Variants in B4GALT6 observed in about 807,000 individuals in gnomAD.
B4GALT6 encodes the protein beta-1,4-galactosyltransferase 6.
In B4GALT6, 14 loss-of-function variants were observed where a neutral mutation model predicts 46.3. The observed-to-expected ratio is 0.30, with a 90% CI of 0.20 to 0.47. The LOEUF is 0.47. Ranked by LOEUF, B4GALT6 falls within the 20% of genes least tolerant of loss-of-function variation. B4GALT6 has a pLI of 0.99. For missense variants in B4GALT6, 386 were observed against 480.1 expected, an observed-to-expected ratio of 0.80 and a Z score of 1.83; for synonymous variants, 168 against 162.0, an observed-to-expected ratio of 1.04 and a Z score of -0.28.
chr18:31,700,458 T>TGTGTGTGTGA, the B4GALT6 span, among the ~76,000 whole-genome samples: 4 of 145,686 alleles, frequency 2.7e-5, no homozygotes, highest in South Asian at 4.3e-4. Context: ...TGTGTGTGTG[T>TGTGTGTGTGA]GTGTGTGTGT....
upstream of B4GALT6, chr18:31,686,060 G>A (rs2029910047): frequency 6.6e-6 from 1 of 152,388 alleles, no homozygotes; most frequent in Non-Finnish European, 1.5e-5. Context: ...CACCTCCTAG[G>A]CCGTGGTCTA....
At chr18:31,667,225 C>G (rs1034117297) in intron 1 of B4GALT6, among the ~76,000 whole-genome samples, 1 of 152,102 alleles carries the variant, frequency 6.6e-6, no homozygotes, top group African/African-American at 2.4e-5. Flanking sequence ...TCAGTTTCCT[C>G]GTTTTCACAA....
chr18:31,698,783 A>T, the B4GALT6 span, among the ~76,000 whole-genome samples: 1 of 151,952 alleles, frequency 6.6e-6, no homozygotes, highest in Admixed American at 6.6e-5. Context: ...AAAAAGAAAA[A>T]GTAAGGCCGG....
intron 6 of B4GALT6, among the ~76,000 whole-genome samples, chr18:31,630,089 A>C: frequency 6.1e-5 from 1 of 16,280 alleles, no homozygotes; most frequent in Admixed American, 8.7e-4. Flanking sequence ...GGAAGCGGGG[A>C]GGGGGAAGGA....
chr18:31,655,333 G>A (rs892056997), intron 3 of B4GALT6, among the ~76,000 whole-genome samples: 3 of 152,220 alleles, frequency 2.0e-5, no homozygotes, highest in African/African-American at 7.2e-5. Context: ...AATTGGGACA[G>A]GACCCAAAGT....
rs1479406510 is a variant in B4GALT6 at position 31,684,334 on chromosome 18, G to A, written c.93C>T (p.Phe31=). 3.1e-6 allele frequency: 5 copies of A among 1,613,634 alleles called. No individual in the cohort carries two copies. The Admixed American group carries it at 6.7e-5, about 22-fold the overall frequency. ...TACCGATGCCTGGGGCCACATAGAT[G>A]AAGTACAGACAGGACGAAGAGAGGG... ...FFSLSSSCLY[F]IYVAPGIANT... Residue 31 remains phenylalanine, a synonymous_variant, in exon 1 of 9, where the codon TTC becomes TTT. Coordinates refer to ENST00000306851, the MANE Select transcript of B4GALT6 (RefSeq NM_004775.5).
chr18:31,713,702 T>C, the B4GALT6 span, among the ~76,000 whole-genome samples: 17 of 152,330 alleles, frequency 1.1e-4, no homozygotes, highest in South Asian at 3.3e-3. Context: ...GTTAGGAGTT[T>C]AATCTTTTTC....
chr18:31,644,527 T>C (rs1567965760), intron 4 of B4GALT6, among the ~76,000 whole-genome samples: 1 of 152,202 alleles, frequency 6.6e-6, no homozygotes, highest in Admixed American at 6.5e-5. Flanking sequence ...AGATCAAGGT[T>C]ATATCACAAT....
At chr18:31,702,830 G>A in the B4GALT6 span, among the ~76,000 whole-genome samples, 1 of 152,192 alleles carries the variant, frequency 6.6e-6, no homozygotes, top group Non-Finnish European at 1.5e-5. Context: ...ATGTATCCAA[G>A]GGGAGCTCTA....
At chr18:31,660,824 G>C (rs762080720) in intron 2 of B4GALT6, among the ~76,000 whole-genome samples, 2 of 152,050 alleles carry the variant, frequency 1.3e-5, no homozygotes, top group Non-Finnish European at 2.9e-5. Context: ...CTCCCAGCAA[G>C]AGAAGAAAAA....
rs2073633165 is a variant in B4GALT6 at position 31,622,730 on chromosome 18, A to C, written c.*2884T>G. On this transcript the variant is annotated 3_prime_UTR_variant, in exon 9 of 9. Coordinates refer to ENST00000306851, the MANE Select transcript of B4GALT6 (RefSeq NM_004775.5). The stretch of plus-strand genomic sequence containing the variant: ...GTTTTCTTACTGAATAACTTTTCAC[A>C]AAAACAAAAACTTAAATGTAGATTT... 1 of 152,002 alleles carries C rather than the reference A, an allele frequency of 6.6e-6. No homozygotes were observed. The highest frequency in any genetic ancestry group is 1.5e-5 in the Non-Finnish European group (1 of 67,936). The allele number at this position is 152,002 out of a possible 1,614,324, so 9.4% of individuals were successfully genotyped here.
intron 1 of B4GALT6, among the ~76,000 whole-genome samples, chr18:31,677,709 A>C (rs541593036): frequency 4.1e-4 from 62 of 152,330 alleles, no homozygotes; most frequent in African/African-American, 1.5e-3. Flanking sequence ...CGTGTCCTTC[A>C]GGAATTAAAA....
At chr18:31,708,069 C>A in the B4GALT6 span, among the ~76,000 whole-genome samples, 1 of 152,120 alleles carries the variant, frequency 6.6e-6, no homozygotes, top group African/African-American at 2.4e-5. Flanking sequence ...AATTAGCAGA[C>A]TTCAGTATGC....
At chr18:31,687,984 G>A (rs1014892762), upstream of B4GALT6, among the ~76,000 whole-genome samples, 1 of 148,884 alleles carries the variant, frequency 6.7e-6, no homozygotes, top group African/African-American at 2.6e-5. Flanking sequence ...AGTGAATTGG[G>A]GGGAAGAAAT....
chr18:31,634,182 C>G (rs1328222198), intron 5 of B4GALT6, among the ~76,000 whole-genome samples: 1 of 152,282 alleles, frequency 6.6e-6, no homozygotes, highest in African/African-American at 2.4e-5. Flanking sequence ...GGTCAGCATG[C>G]AGATTTACTC....
At chr18:31,630,519 G>A (rs1314384110) in intron 6 of B4GALT6, among the ~76,000 whole-genome samples, 2 of 152,006 alleles carry the variant, frequency 1.3e-5, no homozygotes, top group African/African-American at 4.8e-5. Context: ...CCATCACTGG[G>A]GGAGAGCAGG....
chr18:31,665,925 G>A (rs1035163783), intron 2 of B4GALT6, among the ~76,000 whole-genome samples: 4 of 152,186 alleles, frequency 2.6e-5, no homozygotes, highest in Non-Finnish European at 4.4e-5. Context: ...AGAGATGGTA[G>A]TATGGCTTAC....
At chr18:31,689,737 AAAAG>A (rs563646153), upstream of B4GALT6, among the ~76,000 whole-genome samples, 5 of 152,042 alleles carry the variant, frequency 3.3e-5, no homozygotes, top group South Asian at 1.0e-3. Context: ...GAGCAAGAAA[AAAAG>A]AAAAAAAGAG....
In B4GALT6 at chr18:31,652,150, C is replaced by T. The variant is rs56183880; in HGVS notation, c.346+5826G>A. The stretch of plus-strand genomic sequence containing the variant: ...TCCTAAAGAGCTCTTCCCTTACCTC[C>T]ACCTCCTCCAGATCCTTTACCCCAA... On this transcript the variant is annotated intron_variant, in intron 3 of 8. Coordinates refer to ENST00000306851, the MANE Select transcript of B4GALT6 (RefSeq NM_004775.5). Among the ~76,000 whole-genome samples the T allele has an allele frequency of 6.8e-3, 1,037 of 152,232 alleles. 15 individuals are homozygous for T. Among genetic ancestry groups the T allele is most frequent in the African/African-American group, 0.024 (982 of 41,538 alleles).
Sources: allele counts gnomAD v4.1 joint callset (sites outside exome capture counted in the v4.1 genomes callset), GRCh38; gene constraint gnomAD v4.1.1; transcripts MANE v1.5; gene names NCBI Gene and HGNC (gene_info 2026-07-23, HGNC 2026-07-21).